The following TRIM36 variants were observed in gnomAD, a reference collection of about 807,000 sequenced individuals.
TRIM36 encodes the protein tripartite motif containing 36.
Under a neutral mutation model 72.4 loss-of-function variants are expected in TRIM36, and 42 were observed. The observed-to-expected ratio is 0.58, with a 90% CI of 0.45 to 0.75. TRIM36 has a LOEUF of 0.75. Ranked by LOEUF, TRIM36 falls within the 30% of genes least tolerant of loss-of-function variation. TRIM36 has a pLI of 0.00. For missense variants in TRIM36, 913 were observed against 857.1 expected (o/e 1.07, Z -0.81); for synonymous variants, 315 against 282.8 (o/e 1.11, Z -1.14).
At chr5:115,149,934 A>AT (rs368138385) in intron 2 of TRIM36, among the ~76,000 whole-genome samples, 6,594 of 151,752 alleles carry the variant, frequency 0.043, 526 homozygotes, top group African/African-American at 0.15. Flanking sequence ...AATTTTTTGT[A>AT]TTTTTTAGTA....
At chr5:115,144,462 A>C in intron 4 of TRIM36, 136 bp downstream of exon 4, 1 of 1,038,510 alleles carries the variant, frequency 9.6e-7, no homozygotes. Flanking sequence ...TAATATTAGT[A>C]GATCGCTAAG....
intron 2 of TRIM36, among the ~76,000 whole-genome samples, chr5:115,154,960 C>A (rs1299534922): frequency 6.6e-6 from 1 of 151,794 alleles, no homozygotes; most frequent in East Asian, 1.9e-4. Flanking sequence ...CAGGCAGATC[C>A]CCTGAGGTCA....
intron 1 of TRIM36, among the ~76,000 whole-genome samples, chr5:115,176,291 T>C (rs1260141071): frequency 6.6e-6 from 1 of 152,224 alleles, no homozygotes; most frequent in Non-Finnish European, 1.5e-5. Context: ...TTAAGACCTT[T>C]TATTAGTCTA....
intron 7 of TRIM36, among the ~76,000 whole-genome samples, chr5:115,136,445 GT>G (rs536705063): frequency 5.5e-4 from 84 of 152,260 alleles, no homozygotes; most frequent in African/African-American, 1.9e-3. Flanking sequence ...AAATGAATCT[GT>G]TTTGAGTCAC....
intron 2 of TRIM36, among the ~76,000 whole-genome samples, chr5:115,157,715 A>C (rs1490079282): frequency 6.6e-6 from 1 of 152,200 alleles, no homozygotes; most frequent in South Asian, 2.1e-4. Context: ...AAAACGTGGA[A>C]AAAACCCAAA....
intron 5 of TRIM36, among the ~76,000 whole-genome samples, chr5:115,140,950 T>C (rs927009808): frequency 1.3e-5 from 2 of 152,226 alleles, no homozygotes; most frequent in African/African-American, 4.8e-5. Context: ...ATTAATTTTT[T>C]AAAATATAAT....
At chr5:115,179,235 C>T (rs931800326) in intron 1 of TRIM36, among the ~76,000 whole-genome samples, 3 of 152,212 alleles carry the variant, frequency 2.0e-5, no homozygotes, top group African/African-American at 2.4e-5. Flanking sequence ...GGAGCCCAGC[C>T]TCCCGCACTG....
At chr5:115,152,642 A>C (rs966316170) in intron 2 of TRIM36, among the ~76,000 whole-genome samples, 1 of 152,216 alleles carries the variant, frequency 6.6e-6, no homozygotes, top group Non-Finnish European at 1.5e-5. Flanking sequence ...ACCTAGGGAA[A>C]ACCTATCAGA....
chr5:115,161,221 T>A (rs1322929911), intron 2 of TRIM36, among the ~76,000 whole-genome samples: 3 of 151,402 alleles, frequency 2.0e-5, no homozygotes, highest in Non-Finnish European at 4.4e-5. Flanking sequence ...AGAAAGTGGG[T>A]CTATCTCGCT....
chr5:115,169,539 A>G (rs1754977728), intron 1 of TRIM36, 69 bp downstream of exon 1: 1 of 1,463,042 alleles, frequency 6.8e-7, no homozygotes, highest in Non-Finnish European at 9.1e-7. Flanking sequence ...CTCCCGGCGG[A>G]GGAAAGAGAA....
intron 2 of TRIM36, chr5:115,148,480 C>T (rs556124100): frequency 4.1e-5 from 19 of 458,168 alleles, no homozygotes; most frequent in Admixed American, 8.3e-5. Flanking sequence ...AGTGTGATCT[C>T]GGCTCACTGC....
intron 1 of TRIM36, chr5:115,177,684 G>C: frequency 3.1e-6 from 5 of 1,611,814 alleles, no homozygotes; most frequent in Non-Finnish European, 4.2e-6. Flanking sequence ...ACGTTGAAAT[G>C]GTTAGGAGCC....
intron 1 of TRIM36, among the ~76,000 whole-genome samples, chr5:115,166,649 T>C (rs111442231): frequency 0.052 from 7,900 of 152,222 alleles, 685 homozygotes; most frequent in African/African-American, 0.18. Context: ...ACACAAACTG[T>C]GTCAAATACA....
At chr5:115,169,258 A>G (rs1375959787) in intron 1 of TRIM36, among the ~76,000 whole-genome samples, 4 of 152,342 alleles carry the variant, frequency 2.6e-5, no homozygotes, top group East Asian at 3.9e-4. Flanking sequence ...GACGCGCCCC[A>G]GCTTTCTGCC....
chr5:115,179,696 T>C (rs2126965630), intron 1 of TRIM36, among the ~76,000 whole-genome samples: 1 of 152,344 alleles, frequency 6.6e-6, no homozygotes, highest in African/African-American at 2.4e-5. Flanking sequence ...CGCTGGGCTC[T>C]CGCCCTTCGG....
At chr5:115,170,627 C>G (rs1438944229), upstream of TRIM36, among the ~76,000 whole-genome samples, 1 of 152,242 alleles carries the variant, frequency 6.6e-6, no homozygotes, top group Non-Finnish European at 1.5e-5. Context: ...AGTCATATCC[C>G]GCTTTCTGCT....
intron 2 of TRIM36, among the ~76,000 whole-genome samples, chr5:115,156,962 A>G (rs940395402): frequency 6.6e-6 from 1 of 152,190 alleles, no homozygotes; most frequent in Non-Finnish European, 1.5e-5. Flanking sequence ...AACTCAAATA[A>G]ATCAATAAGA....
chr5:115,157,814 T>C (rs1165660998), intron 2 of TRIM36, among the ~76,000 whole-genome samples: 1 of 152,154 alleles, frequency 6.6e-6, no homozygotes, highest in Non-Finnish European at 1.5e-5. Context: ...GCATTCACAG[T>C]GACCTCGATG....
chr5:115,173,500 G>A (rs1278599761), upstream of TRIM36, among the ~76,000 whole-genome samples: 2 of 150,362 alleles, frequency 1.3e-5, no homozygotes, highest in African/African-American at 2.5e-5. Context: ...GGGGTGGGGG[G>A]TGTGTGGACA....
Sources: allele counts gnomAD v4.1 joint callset (sites outside exome capture counted in the v4.1 genomes callset), GRCh38; gene constraint gnomAD v4.1.1; transcripts MANE v1.5; gene names NCBI Gene and HGNC (gene_info 2026-07-23, HGNC 2026-07-21).